MYO9B: variants seen among roughly 807,000 people sequenced by gnomAD.
The protein encoded by MYO9B is myosin IXB.
A neutral mutation model predicts 229.5 loss-of-function variants in MYO9B; 71 were observed. The observed-to-expected ratio is 0.31, with a 90% CI of 0.26 to 0.38. The LOEUF is 0.38. Among genes scored for constraint, MYO9B ranks in the 10% least tolerant of loss-of-function variants. MYO9B has a pLI of 1.00. For missense variants in MYO9B, 2,255 were observed against 2,920.5 expected (o/e 0.77, Z 5.25); for synonymous variants, 1,185 against 1,235.8 (o/e 0.96, Z 0.86).
intron 3 of MYO9B, among the ~76,000 whole-genome samples, chr19:17,151,146 G>A (rs1331108365): frequency 6.6e-6 from 1 of 152,040 alleles, no homozygotes; most frequent in East Asian, 1.9e-4. Context: ...GGGCGTGGTG[G>A]TGGGCGCCTG....
intron 14 of MYO9B, among the ~76,000 whole-genome samples, chr19:17,178,873 A>G (rs1256516849): frequency 6.6e-6 from 1 of 151,850 alleles, no homozygotes; most frequent in African/African-American, 2.4e-5. Flanking sequence ...GTGTCTACTA[A>G]AAATACAAAA....
chr19:17,135,453 A>T (rs890057612), intron 2 of MYO9B, among the ~76,000 whole-genome samples: 6 of 151,888 alleles, frequency 4.0e-5, no homozygotes, highest in Non-Finnish European at 8.8e-5. Context: ...ACCCCACATG[A>T]TACTCCAGGC....
At chr19:17,096,299 C>A (rs2057687863) in intron 1 of MYO9B, among the ~76,000 whole-genome samples, 1 of 152,122 alleles carries the variant, frequency 6.6e-6, no homozygotes, top group Admixed American at 6.6e-5. Context: ...CTGAGTAACT[C>A]CTGAGAGGGG....
chr19:17,117,150 A>G (rs769434543), intron 2 of MYO9B, among the ~76,000 whole-genome samples: 4 of 152,092 alleles, frequency 2.6e-5, no homozygotes, highest in Non-Finnish European at 5.9e-5. Context: ...AGGGTTATGG[A>G]GACAGGGGAC....
chr19:17,183,732 C>A, intron 15 of MYO9B, 97 bp from the exon 16 acceptor site: 2 of 1,027,322 alleles, frequency 1.9e-6, no homozygotes, highest in South Asian at 1.5e-5. Context: ...CTCTCTGTGT[C>A]TCTCAGTCTA....
chr19:17,209,502 C>T (rs1396043995), intron 35 of MYO9B, 84 bp from the exon 36 acceptor site: 24 of 1,449,246 alleles, frequency 1.7e-5, no homozygotes, highest in Non-Finnish European at 2.2e-5. Context: ...CACTGCCCCC[C>T]AGGCACCAGC....
rs191047087 is a variant in MYO9B at position 17,158,141 on chromosome 19, G to T, written c.1329+1103G>T. ...GAATTATCCAACCCCAAGTGCAAAT[G>T]GCAGTGAGGCCGAGGAGCCCTACCC... On this transcript the variant is annotated intron_variant, in intron 7 of 39. Coordinates refer to ENST00000682292, the MANE Select transcript of MYO9B (RefSeq NM_004145.4). Among the ~76,000 whole-genome samples, 599 of 152,272 alleles carry T rather than the reference G, an allele frequency of 3.9e-3. 8 individuals are homozygous for T. Among genetic ancestry groups the T allele is most frequent in the African/African-American group, 0.014 (566 of 41,546 alleles).
rs1321845056 is a variant in MYO9B at position 17,195,810 on chromosome 19, T to C, written c.4046+337T>C. Among the ~76,000 whole-genome samples, 1 of 152,086 alleles carries C rather than the reference T, an allele frequency of 6.6e-6. No individual in the cohort carries two copies. The highest frequency in any genetic ancestry group is 1.5e-5 in the Non-Finnish European group (1 of 68,022). On this transcript the variant is annotated intron_variant, in intron 22 of 39. Coordinates refer to ENST00000682292, the MANE Select transcript of MYO9B (RefSeq NM_004145.4). The surrounding 1 kb of genome is among the most constrained non-coding windows in gnomAD (Gnocchi z 4.5). ...TTTCTAATTGGTGAACAGGACTAAC[T>C]GCACTCCTCGGGGTTAAAGGAGCAG...
intron 13 of MYO9B, among the ~76,000 whole-genome samples, chr19:17,174,892 C>A (rs2072767022): frequency 6.6e-6 from 1 of 151,706 alleles, no homozygotes; most frequent in Admixed American, 6.6e-5. Flanking sequence ...CAAGATCGCG[C>A]CACTGCACTC....
Position 17,192,765 on chromosome 19 carries a change from A to G in MYO9B, c.2831A>G (p.Glu944Gly). The change falls in exon 21 of 40, where the codon GAG becomes GGG. Residue 944 changes from glutamate to glycine, a missense_variant. Glu to Gly is a moderately conservative substitution (Grantham distance 98, BLOSUM62 -2). Coordinates refer to ENST00000682292, the MANE Select transcript of MYO9B (RefSeq NM_004145.4). ...GKTKVFLKET[E>G]RQALQETLHR... ...CACCAGGTCTTCCTGAAGGAGACGG[A>G]GCGGCAAGCCCTGCAGGAGACGCTG... The G allele has an allele frequency of 6.5e-7, 1 of 1,549,824 alleles. No homozygotes were observed. The highest frequency in any genetic ancestry group is 8.7e-7 in the Non-Finnish European group (1 of 1,146,048).
chr19:17,117,749 C>T (rs555908420), intron 2 of MYO9B, among the ~76,000 whole-genome samples: 123 of 151,990 alleles, frequency 8.1e-4, no homozygotes, highest in African/African-American at 2.7e-3. Context: ...ACCAGCCTGG[C>T]CAACATGGTG....
chr19:17,112,424 G>A (rs955484835), intron 2 of MYO9B, among the ~76,000 whole-genome samples: 7 of 152,222 alleles, frequency 4.6e-5, no homozygotes, highest in Admixed American at 3.3e-4. Flanking sequence ...GAGGGAGGCT[G>A]GCTTCAGGGA....
chr19:17,122,655 G>T (rs570844563), intron 2 of MYO9B, among the ~76,000 whole-genome samples: 1 of 152,212 alleles, frequency 6.6e-6, no homozygotes, highest in Non-Finnish European at 1.5e-5. Context: ...AGGCTGAGAC[G>T]GGACGATCAC....
intron 29 of MYO9B, 85 bp from the exon 30 acceptor site, chr19:17,203,062 G>T: frequency 7.2e-7 from 1 of 1,388,424 alleles, no homozygotes; most frequent in East Asian, 2.5e-5. Flanking sequence ...AGTCACCCCT[G>T]AGATCCCATG....
At chr19:17,079,779 A>G (rs764669072) in intron 1 of MYO9B, among the ~76,000 whole-genome samples, 18 of 152,222 alleles carry the variant, frequency 1.2e-4, no homozygotes, top group Non-Finnish European at 2.1e-4. Flanking sequence ...TGTGCCCGGC[A>G]TCCCCAGCCC....
intron 32 of MYO9B, 23 bp from the exon 33 acceptor site, chr19:17,206,225 G>GGGGGGCCCC: frequency 8.9e-6 from 14 of 1,564,624 alleles, no homozygotes; most frequent in Non-Finnish European, 1.1e-5. Flanking sequence ...CCGCTCACCA[G>GGGGGGCCCC]ACCCACCCCA....
chr19:17,094,036 G>A (rs977986985), intron 1 of MYO9B, among the ~76,000 whole-genome samples: 3 of 151,248 alleles, frequency 2.0e-5, no homozygotes, highest in Admixed American at 2.0e-4. Context: ...TGTTGTTGTT[G>A]TTGTTGTTGT....
intron 28 of MYO9B, 24 bp from the exon 29 acceptor site, chr19:17,202,818 A>G (rs1170090655): frequency 1.3e-6 from 2 of 1,578,080 alleles, no homozygotes; most frequent in African/African-American, 1.4e-5. Context: ...GCCCCCGCCA[A>G]CCTCCTCCTT....
chr19:17,105,455 A>G (rs1380461297), intron 2 of MYO9B, among the ~76,000 whole-genome samples: 1 of 151,948 alleles, frequency 6.6e-6, no homozygotes, highest in Non-Finnish European at 1.5e-5. Context: ...ACGTCTGGCC[A>G]CTGCACTCCA....
Sources: gnomAD v4.1 joint callset for allele counts (sites outside exome capture counted in the v4.1 genomes callset) on GRCh38, gnomAD v4.1.1 for gene constraint, Gnocchi (gnomAD v3.1) non-coding constraint, MANE v1.5 for transcripts, NCBI Gene and HGNC (gene_info 2026-07-23, HGNC 2026-07-21) for gene names.